Variants in CIT observed in about 807,000 individuals in gnomAD.
CIT encodes the protein citron rho-interacting serine/threonine kinase.
Under a neutral mutation model 272.7 loss-of-function variants are expected in CIT, and 79 were observed. That is an observed-to-expected ratio of 0.29 (90% CI 0.24 to 0.35). The LOEUF (loss-of-function observed/expected upper bound fraction) is 0.35, where lower values mean the gene tolerates loss of function less well. Among genes scored for constraint, CIT ranks in the 10% least tolerant of loss-of-function variants. CIT has a pLI of 1.00. For missense variants in CIT, 1,909 were observed against 2,618.3 expected (o/e 0.73, Z 5.91); for synonymous variants, 948 against 995.6 (o/e 0.95, Z 0.90).
chr12:119,717,719 C>G (rs1957585756), intron 32 of CIT, among the ~76,000 whole-genome samples: 1 of 151,782 alleles, frequency 6.6e-6, no homozygotes, highest in South Asian at 2.1e-4. Context: ...CCATGCCCAG[C>G]CTATTTTCTC....
intron 10 of CIT, among the ~76,000 whole-genome samples, chr12:119,785,429 G>A (rs1964692871): frequency 6.6e-6 from 1 of 152,174 alleles, no homozygotes; most frequent in African/African-American, 2.4e-5. Context: ...GAACACGGAG[G>A]AAGGGGCCAC....
intron 47 of CIT, among the ~76,000 whole-genome samples, chr12:119,689,771 G>A (rs1393749916): frequency 3.5e-5 from 5 of 141,324 alleles, no homozygotes; most frequent in South Asian, 2.4e-4. Context: ...TCCGCCCTCC[G>A]GGTTCACGCC....
chr12:119,863,613 GC>G (rs1370849978), intron 3 of CIT, among the ~76,000 whole-genome samples: 53 of 151,866 alleles, frequency 3.5e-4, no homozygotes, highest in African/African-American at 1.2e-3. Flanking sequence ...TGCAACCTCT[GC>G]CTCCCAGGTT....
chr12:119,704,350 G>A lies in CIT; in HGVS notation c.5304+13C>T. 1.2e-6 allele frequency: 2 copies of A among 1,612,830 alleles called. No homozygotes were observed. The highest frequency in any genetic ancestry group is 2.2e-5 in the East Asian group (1 of 44,884). The stretch of plus-strand genomic sequence containing the variant: ...CTTTCCCACGTTCAACCAAGGCAAG[G>A]CCCAGGACTTACTTTCCGGATGCAG... On this transcript the variant is annotated intron_variant, in intron 41 of 47. Coordinates refer to ENST00000392521, the MANE Select transcript of CIT (RefSeq NM_001206999.2).
At chr12:119,823,442 C>T (rs1319581149) in intron 8 of CIT, among the ~76,000 whole-genome samples, 1 of 152,164 alleles carries the variant, frequency 6.6e-6, no homozygotes, top group African/African-American at 2.4e-5. Flanking sequence ...AGAGGGCCTG[C>T]TTCTTCTGCT....
chr12:119,803,148 T>TGGGG, intron 10 of CIT, 58 bp downstream of exon 10: 1 of 297,378 alleles, frequency 3.4e-6, no homozygotes, highest in Non-Finnish European at 5.9e-6. Context: ...CCACCACCTT[T>TGGGG]GGCTCCAAAA....
chr12:119,876,633 G>A (rs1950856454), intron 1 of CIT, among the ~76,000 whole-genome samples: 1 of 152,168 alleles, frequency 6.6e-6, no homozygotes, highest in Non-Finnish European at 1.5e-5. Context: ...TTTTAGTGTG[G>A]TCAAATAAGA....
At chr12:119,726,146 A>G (rs1380631823) in intron 28 of CIT, among the ~76,000 whole-genome samples, 1 of 152,152 alleles carries the variant, frequency 6.6e-6, no homozygotes, top group African/African-American at 2.4e-5. Flanking sequence ...AAGTACACTC[A>G]TGTTATTGTG....
At position 119,712,345 on chromosome 12, in the gene CIT, C is replaced by A; in HGVS notation, c.4687G>T (p.Val1563Phe). ...GATTCCATCTTCAGTATGTATGGGA[C>A]ATCTAGGAGATTTCAGAGAGCACAG... ...SELANTAKAD[V>F]PYILKMESHP... is the part of the protein sequence containing the mutation. Residue 1563 changes from valine (V) to phenylalanine (F), a missense_variant and splice_region_variant, in exon 37 of 48, where the codon GTC (valine) becomes TTC (phenylalanine). Physicochemically the swap from Val to Phe is conservative, Grantham distance 50 (BLOSUM62 -1). Coordinates refer to ENST00000392521, the MANE Select transcript of CIT (RefSeq NM_001206999.2). This position sits in a 1 kb window ranked among gnomAD's most constrained non-coding sequence, Gnocchi z 5.2. 2 of 1,608,246 alleles carry A rather than the reference C, an allele frequency of 1.2e-6. No individual in the cohort carries two copies. The highest frequency in any genetic ancestry group is 1.7e-6 in the Non-Finnish European group (2 of 1,176,728).
intron 3 of CIT, among the ~76,000 whole-genome samples, chr12:119,865,950 A>C (rs888786340): frequency 6.6e-6 from 1 of 151,864 alleles, no homozygotes; most frequent in Admixed American, 6.6e-5. Flanking sequence ...AATACTGAAG[A>C]GCACTATAGT....
intron 26 of CIT, among the ~76,000 whole-genome samples, chr12:119,731,780 C>G (rs374801035): frequency 2.7e-5 from 4 of 149,130 alleles, no homozygotes; most frequent in Admixed American, 6.7e-5. Context: ...TCACCTTGTT[C>G]TGTAACAAAA....
At chr12:119,765,687 G>C (rs1364716864) in intron 19 of CIT, among the ~76,000 whole-genome samples, 9 of 151,646 alleles carry the variant, frequency 5.9e-5, no homozygotes, top group Admixed American at 5.9e-4. Context: ...GCCTAGGCTA[G>C]TCTTGAATTC....
chr12:119,797,093 CA>C (rs1470782047), intron 10 of CIT, among the ~76,000 whole-genome samples: 1 of 152,184 alleles, frequency 6.6e-6, no homozygotes, highest in African/African-American at 2.4e-5. Flanking sequence ...TTCACGTAGA[CA>C]AAGGAAGAGT....
At chr12:119,833,495 T>C (rs1312941622) in intron 6 of CIT, among the ~76,000 whole-genome samples, 1 of 151,824 alleles carries the variant, frequency 6.6e-6, no homozygotes, top group Non-Finnish European at 1.5e-5. Flanking sequence ...TGAAACCCCA[T>C]CTCTACTAAA....
At chr12:119,752,025 T>C (rs1266076972) in intron 23 of CIT, 25 bp downstream of exon 23, 1 of 1,599,198 alleles carries the variant, frequency 6.3e-7, no homozygotes, top group Admixed American at 1.7e-5. Flanking sequence ...TTTAGCAACC[T>C]GAAGATGTTG....
In CIT at chr12:119,844,697, A is replaced by G. The variant is rs371459133; in HGVS notation, c.516+5477T>C. Among the ~76,000 whole-genome samples the G allele has an allele frequency of 3.9e-5, 6 of 152,374 alleles. No homozygotes were observed. In the East Asian group the frequency reaches 9.6e-4, roughly 24 times the overall value. Reference sequence around the variant, plus strand: ...AGTACTTGAGAAGAAAATGGAGACAAGAAAATATTAATAATTACAAAATCC... The same window carrying G: ...AGTACTTGAGAAGAAAATGGAGACAGGAAAATATTAATAATTACAAAATCC... On this transcript the variant is annotated intron_variant, in intron 5 of 47. Coordinates refer to ENST00000392521, the MANE Select transcript of CIT (RefSeq NM_001206999.2).
chr12:119,830,945 A>G (rs532704694), intron 7 of CIT, among the ~76,000 whole-genome samples: 1 of 152,276 alleles, frequency 6.6e-6, no homozygotes, highest in Admixed American at 6.5e-5. Context: ...CGGTCATTGC[A>G]GCCTCAACCT....
intron 23 of CIT, among the ~76,000 whole-genome samples, chr12:119,748,832 G>A (rs1959810898): frequency 6.6e-6 from 1 of 152,208 alleles, no homozygotes; most frequent in African/African-American, 2.4e-5. Context: ...CCTGGCCGGT[G>A]CACACAGAGC....
At chr12:119,716,416 T>TAAAAAAAAAAAA (rs1481968570) in intron 32 of CIT, among the ~76,000 whole-genome samples, 9 of 70,570 alleles carry the variant, frequency 1.3e-4, no homozygotes, top group African/African-American at 1.6e-4. Context: ...AAAAAAAAAG[T>TAAAAAAAAAAAA]AAAGCTCTTT....
Sources: gnomAD v4.1 joint callset for allele counts (sites outside exome capture counted in the v4.1 genomes callset) on GRCh38, gnomAD v4.1.1 for gene constraint, Gnocchi (gnomAD v3.1) non-coding constraint, MANE v1.5 for transcripts, NCBI Gene and HGNC (gene_info 2026-07-23, HGNC 2026-07-21) for gene names.